Variants in LIMS1 observed in about 807,000 individuals in gnomAD.
LIMS1 encodes LIM and senescent cell antigen-like-containing domain protein 1.
A neutral mutation model predicts 44.1 loss-of-function variants in LIMS1; 18 were observed. That is an observed-to-expected ratio of 0.41 (90% CI 0.28 to 0.61). The LOEUF (loss-of-function observed/expected upper bound fraction) is 0.61, where lower values mean the gene tolerates loss of function less well. Among genes scored for constraint, LIMS1 ranks in the 20% least tolerant of loss-of-function variants. The pLI is 0.32. For missense variants in LIMS1, 201 were observed against 422.0 expected (o/e 0.48, Z 4.59); for synonymous variants, 93 against 149.1 (o/e 0.62, Z 2.74).
At chr2:108,644,184 G>A (rs1289570765) in intron 1 of LIMS1, among the ~76,000 whole-genome samples, 1 of 152,132 alleles carries the variant, frequency 6.6e-6, no homozygotes, top group African/African-American at 2.4e-5. Flanking sequence ...CTCCTCAAGT[G>A]GGTCCCTGAC....
intron 1 of LIMS1, among the ~76,000 whole-genome samples, chr2:108,596,996 C>T (rs1351974746): frequency 2.1e-5 from 3 of 141,692 alleles, no homozygotes; most frequent in African/African-American, 7.8e-5. Flanking sequence ...GCAACTTCTG[C>T]CTCCTGGGTT....
chr2:108,590,633 T>C (rs1404225726), intron 1 of LIMS1, among the ~76,000 whole-genome samples: 2 of 152,222 alleles, frequency 1.3e-5, no homozygotes, highest in Non-Finnish European at 2.9e-5. Context: ...ACTTTTGAGT[T>C]GGGCTTTGAA....
At chr2:108,666,168 A>G (rs945455352) in intron 2 of LIMS1, among the ~76,000 whole-genome samples, 6 of 152,204 alleles carry the variant, frequency 3.9e-5, no homozygotes, top group African/African-American at 1.4e-4. Flanking sequence ...TCTGATGCCA[A>G]CTGAAAGCCC....
intron 1 of LIMS1, among the ~76,000 whole-genome samples, chr2:108,601,601 A>T (rs1471158394): frequency 6.6e-6 from 1 of 152,212 alleles, no homozygotes; most frequent in African/African-American, 2.4e-5. Context: ...CTGTTTCAGG[A>T]CTTAGTGACC....
chr2:108,625,606 A>AT (rs1329100326), intron 1 of LIMS1, among the ~76,000 whole-genome samples: 12 of 149,364 alleles, frequency 8.0e-5, no homozygotes, highest in Non-Finnish European at 1.8e-4. Context: ...GCAGTTTGAA[A>AT]TTTGTATCCC....
chr2:108,607,063 G>A, intron 1 of LIMS1: 1 of 640,028 alleles, frequency 1.6e-6, no homozygotes, highest in Non-Finnish European at 2.7e-6. Flanking sequence ...TGGAGCCTTT[G>A]GAGAGATGAT....
In LIMS1 at chr2:108,641,459, G is replaced by A. The variant is rs13029675; in HGVS notation, c.33-18146G>A. 8.3e-3 allele frequency among the ~76,000 whole-genome samples: 1,260 copies of A among 152,236 alleles called. 8 individuals carry two copies. The highest frequency in any genetic ancestry group is 0.013 in the Non-Finnish European group (906 of 68,010). Reference sequence around the variant, plus strand: ...GATTCCAGTGTTTGGGATGGTTTGGGCCCCTGGGATGGGGTTGATGGTGCA... The same window carrying A: ...GATTCCAGTGTTTGGGATGGTTTGGACCCCTGGGATGGGGTTGATGGTGCA... On this transcript the variant is annotated intron_variant, in intron 1 of 9. Coordinates refer to ENST00000544547, the Ensembl canonical transcript of LIMS1.
chr2:108,567,362 C>T (rs1461652949), intron 1 of LIMS1, among the ~76,000 whole-genome samples: 1 of 152,122 alleles, frequency 6.6e-6, no homozygotes, highest in Non-Finnish European at 1.5e-5. Flanking sequence ...ATCTTGCTCC[C>T]TGAGCTGCTG....
At chr2:108,686,703 G>A (rs1693328644) in exon 10 of LIMS1, 1 of 151,660 alleles carries the variant, frequency 6.6e-6, no homozygotes, top group African/African-American at 2.4e-5. Context: ...TTGAACCCAG[G>A]AGGCGGAGCT....
chr2:108,683,539 CAAAAAAA>C (rs35864001), intron 9 of LIMS1, among the ~76,000 whole-genome samples: 4 of 105,944 alleles, frequency 3.8e-5, no homozygotes, highest in South Asian at 6.3e-4. Context: ...GCTCTGTTTC[CAAAAAAA>C]AAAAAAAAAA....
chr2:108,569,783 T>TTTTTTTTTTTA (rs1685424730), intron 1 of LIMS1, among the ~76,000 whole-genome samples: 1 of 147,446 alleles, frequency 6.8e-6, no homozygotes, highest in Non-Finnish European at 1.5e-5. Flanking sequence ...TTTTTTTTTT[T>TTTTTTTTTTTA]AGTGATGAGG....
At chr2:108,641,792 C>T (rs150454367) in intron 1 of LIMS1, among the ~76,000 whole-genome samples, 16 of 152,294 alleles carry the variant, frequency 1.1e-4, no homozygotes, top group African/African-American at 3.9e-4. Flanking sequence ...ATATTAATTA[C>T]AAATCCGTAT....
intron 1 of LIMS1, among the ~76,000 whole-genome samples, chr2:108,583,812 A>G (rs1163650273): frequency 6.8e-6 from 1 of 148,062 alleles, no homozygotes; most frequent in Non-Finnish European, 1.5e-5. Context: ...GTCCTGCCTC[A>G]GCCTCCCGGG....
chr2:108,638,999 C>T (rs1459140705), intron 1 of LIMS1, among the ~76,000 whole-genome samples: 1 of 151,846 alleles, frequency 6.6e-6, no homozygotes, highest in Non-Finnish European at 1.5e-5. Context: ...GCATGGATCG[C>T]GCTACTGCAC....
rs941130746 is a variant in LIMS1, at chr2:108,582,495, G to A, written c.32+47901G>A. Among the ~76,000 whole-genome samples the A allele has an allele frequency of 3.3e-5, 5 of 152,180 alleles. No homozygotes were observed. In the South Asian group the frequency reaches 6.2e-4, roughly 19 times the overall value. On this transcript the variant is annotated intron_variant, in intron 1 of 9. Coordinates refer to ENST00000544547, the Ensembl canonical transcript of LIMS1. ...CTGTTTCAGATATCATCGGCTGGGC[G>A]CAGTGGCTCACACATGTAATCCCAG...
chr2:108,668,940 C>A (rs1370462645), intron 2 of LIMS1, among the ~76,000 whole-genome samples: 1 of 152,038 alleles, frequency 6.6e-6, no homozygotes, highest in East Asian at 1.9e-4. Flanking sequence ...ACTTTAAAAA[C>A]CAAATACATT....
At chr2:108,663,818 G>A (rs58307938) in intron 2 of LIMS1, among the ~76,000 whole-genome samples, 10 of 151,684 alleles carry the variant, frequency 6.6e-5, no homozygotes, top group Non-Finnish European at 1.3e-4. Flanking sequence ...GCAAATGTGC[G>A]ATCTTGGCTC....
At chr2:108,631,550 C>CTTTTTTTTTTTTTTTTT (rs67517304) in intron 1 of LIMS1, among the ~76,000 whole-genome samples, 1 of 143,068 alleles carries the variant, frequency 7.0e-6, no homozygotes. Flanking sequence ...ACCGTGTTGC[C>CTTTTTTTTTTTTTTTTT]TTTTTTTTTT....
At chr2:108,567,585 T>A (rs1167631868) in intron 1 of LIMS1, among the ~76,000 whole-genome samples, 1 of 152,154 alleles carries the variant, frequency 6.6e-6, no homozygotes, top group Non-Finnish European at 1.5e-5. Context: ...TGTTTTTTGT[T>A]TTTTGAGATG....
Sources: allele counts gnomAD v4.1 joint callset (sites outside exome capture counted in the v4.1 genomes callset), GRCh38; gene constraint gnomAD v4.1.1; transcripts MANE v1.5; gene names NCBI Gene and HGNC (gene_info 2026-07-23, HGNC 2026-07-21).